COL4A6: variants seen among roughly 807,000 people sequenced by gnomAD.
COL4A6 encodes collagen type IV alpha 6 chain.
In COL4A6, 59 loss-of-function variants were observed where a neutral mutation model predicts 126.7. The ratio of observed to expected loss-of-function variants is 0.47; its 90% CI spans 0.38 to 0.58. The LOEUF is 0.58. Among genes scored for constraint, COL4A6 ranks in the 20% least tolerant of loss-of-function variants. The pLI is 0.00. For missense variants in COL4A6, 1,285 were observed against 1,337.3 expected (o/e 0.96, Z 0.61); for synonymous variants, 547 against 496.6 (o/e 1.10, Z -1.35).
intron 3 of COL4A6, among the ~76,000 whole-genome samples, chrX:108,283,327 G>A (rs1214532096): frequency 9.0e-6 from 1 of 111,068 alleles, no homozygotes; most frequent in Admixed American, 9.5e-5. Flanking sequence ...TGGTTTATAA[G>A]ATGGACTGTT....
chrX:108,323,245 C>A (rs2039072219), intron 2 of COL4A6, among the ~76,000 whole-genome samples: 2 of 111,848 alleles, frequency 1.8e-5, no homozygotes, highest in Admixed American at 1.9e-4. Context: ...GCTTGCTAGA[C>A]AATCTTTAAT....
At chrX:108,186,894 G>A (rs1301671168) in intron 23 of COL4A6, among the ~76,000 whole-genome samples, 2 of 111,314 alleles carry the variant, frequency 1.8e-5, no homozygotes, top group Non-Finnish European at 3.8e-5. Context: ...AAGTAGGGTG[G>A]AAATCTATGT....
chrX:108,162,425 AGAG>A (rs778727089), intron 41 of COL4A6, among the ~76,000 whole-genome samples: 77 of 104,165 alleles, frequency 7.4e-4, no homozygotes, highest in African/African-American at 2.4e-3. Context: ...AGGAAGAAGA[AGAG>A]GAGGAGGAAG....
intron 3 of COL4A6, among the ~76,000 whole-genome samples, chrX:108,234,473 T>A (rs964300745): frequency 1.4e-4 from 16 of 112,110 alleles, no homozygotes; most frequent in Non-Finnish European, 2.8e-4. Flanking sequence ...CAAATCAGTC[T>A]ACTTGTTCCA....
At chrX:108,370,799 C>T (rs934840023) in intron 2 of COL4A6, among the ~76,000 whole-genome samples, 1 of 111,449 alleles carries the variant, frequency 9.0e-6, no homozygotes, top group Non-Finnish European at 1.9e-5. Flanking sequence ...CCTAGCCCAG[C>T]GTCCAGCACA....
rs146517176 is a variant in COL4A6 at position 108,361,805 on chromosome X, A to T, written c.64-50977T>A. Among the ~76,000 whole-genome samples the T allele has an allele frequency of 7.1e-3, 797 of 111,910 alleles. 8 individuals carry two copies. The highest frequency in any genetic ancestry group is 0.025 in the African/African-American group (757 of 30,783). On this transcript the variant is annotated intron_variant, in intron 2 of 44. Coordinates refer to ENST00000334504, the MANE Select transcript of COL4A6 (RefSeq NM_033641.4). The stretch of plus-strand genomic sequence containing the variant: ...GATAAAAGGAGTCATAAATACCATC[A>T]GATGTTGTTGTATATCTTGAAACTA...
At chrX:108,180,381 C>A in intron 25 of COL4A6, 134 bp downstream of exon 25, 1 of 519,946 alleles carries the variant, frequency 1.9e-6, no homozygotes, top group Non-Finnish European at 3.2e-6. Flanking sequence ...ATTAAACAAT[C>A]CTACCCACAC....
chrX:108,250,842 G>A (rs1030083408), intron 3 of COL4A6, among the ~76,000 whole-genome samples: 11 of 112,259 alleles, frequency 9.8e-5, no homozygotes, highest in African/African-American at 3.6e-4. Flanking sequence ...GAGAGGCAGA[G>A]CAAAGCAGTC....
intron 2 of COL4A6, among the ~76,000 whole-genome samples, chrX:108,393,958 A>C (rs1428794261): frequency 8.9e-6 from 1 of 111,964 alleles, no homozygotes; most frequent in Non-Finnish European, 1.9e-5. Flanking sequence ...TCATTCTACT[A>C]TAAAGACACA....
At chrX:108,296,545 T>C (rs2038331480) in intron 3 of COL4A6, among the ~76,000 whole-genome samples, 1 of 112,202 alleles carries the variant, frequency 8.9e-6, no homozygotes, top group African/African-American at 3.2e-5. Context: ...TTTCTGGATA[T>C]TGGCTATATA....
intron 2 of COL4A6, among the ~76,000 whole-genome samples, chrX:108,316,012 G>A (rs1177804280): frequency 1.8e-5 from 2 of 111,981 alleles, no homozygotes; most frequent in African/African-American, 6.5e-5. Context: ...ACATCACAGT[G>A]CCTCTACCAC....
At chrX:108,389,639 G>A (rs1239573197) in intron 2 of COL4A6, among the ~76,000 whole-genome samples, 1 of 110,589 alleles carries the variant, frequency 9.0e-6, no homozygotes, top group Non-Finnish European at 1.9e-5. Context: ...TGTGTGATGG[G>A]TCTCCTGAAT....
chrX:108,234,270 T>C (rs773202569), intron 3 of COL4A6, among the ~76,000 whole-genome samples: 1 of 112,005 alleles, frequency 8.9e-6, no homozygotes, highest in African/African-American at 3.2e-5. Flanking sequence ...GTCTAGCAGC[T>C]TTTCCAACTA....
intron 3 of COL4A6, among the ~76,000 whole-genome samples, chrX:108,302,261 T>G (rs749526299): frequency 2.9e-4 from 33 of 111,977 alleles, no homozygotes; most frequent in African/African-American, 1.0e-3. Flanking sequence ...AAACAGCATG[T>G]TAAATGTCTT....
At position 108,328,521 on chromosome X, in the gene COL4A6, C is replaced by G. The variant is rs147373928; in HGVS notation, c.64-17693G>C. ...TACCAGCACCAACCAATACCAATGC[C>G]AACACCAACCAACAAATCAAAACTG... On this transcript the variant is annotated intron_variant, in intron 2 of 44. Coordinates refer to ENST00000334504, the MANE Select transcript of COL4A6 (RefSeq NM_033641.4). 8.6e-3 allele frequency among the ~76,000 whole-genome samples: 953 copies of G among 111,446 alleles called. 6 individuals carry two copies. Among genetic ancestry groups the G allele is most frequent in the Non-Finnish European group, 0.013 (673 of 53,042 alleles).
intron 11 of COL4A6, 34 bp downstream of exon 11, chrX:108,205,405 G>A (rs993923072): frequency 7.3e-6 from 8 of 1,090,690 alleles, no homozygotes; most frequent in Non-Finnish European, 1.0e-5. Context: ...TGCAGCATAT[G>A]GAAGGCAGAC....
intron 3 of COL4A6, among the ~76,000 whole-genome samples, chrX:108,294,511 A>G (rs2038265604): frequency 9.2e-6 from 1 of 108,990 alleles, no homozygotes; most frequent in Admixed American, 9.9e-5. Context: ...AAAGGAGAAA[A>G]GGGGAAGAAG....
At chrX:108,396,300 C>G (rs2040962311) in intron 2 of COL4A6, among the ~76,000 whole-genome samples, 1 of 110,660 alleles carries the variant, frequency 9.0e-6, no homozygotes, top group African/African-American at 3.3e-5. Flanking sequence ...CCGTATCCCC[C>G]ACCTCCACTC....
In COL4A6 at chrX:108,335,055, TG is replaced by T. The variant is rs573050417; in HGVS notation, c.64-24228del. ...GGATGCATTTGAGATTACAGAGTCT[TG>T]AACAGCTTTTGTTATGGTGTAATTT... On this transcript the variant is annotated intron_variant, in intron 2 of 44. Transcript: ENST00000334504. Among the ~76,000 whole-genome samples, 498 of 112,322 alleles carry T rather than the reference TG, an allele frequency of 4.4e-3. 5 individuals are homozygous for T. The highest frequency in any genetic ancestry group is 7.3e-3 in the Non-Finnish European group (390 of 53,109).
Sources: gnomAD v4.1 joint callset for allele counts (sites outside exome capture counted in the v4.1 genomes callset) on GRCh38, gnomAD v4.1.1 for gene constraint, MANE v1.5 for transcripts, NCBI Gene and HGNC (gene_info 2026-07-23, HGNC 2026-07-21) for gene names.